The following GNAQ variants were observed in gnomAD, a reference collection of about 807,000 sequenced individuals.
GNAQ encodes the protein guanine nucleotide-binding protein G(q) subunit alpha.
A neutral mutation model predicts 43.9 loss-of-function variants in GNAQ; 8 were observed. That is an observed-to-expected ratio of 0.18 (90% CI 0.11 to 0.33). GNAQ has a LOEUF of 0.33. Ranked by LOEUF, GNAQ falls within the 10% of genes least tolerant of loss-of-function variation. The pLI is 1.00. For missense variants in GNAQ, 158 were observed against 450.8 expected, an observed-to-expected ratio of 0.35 and a Z score of 5.88; for synonymous variants, 155 against 170.7, an observed-to-expected ratio of 0.91 and a Z score of 0.71.
At chr9:77,820,911 C>T (rs1425215634) in intron 2 of GNAQ, among the ~76,000 whole-genome samples, 1 of 152,114 alleles carries the variant, frequency 6.6e-6, no homozygotes, top group African/African-American at 2.4e-5. Context: ...TTCTAAAATG[C>T]CTAGTACAAA....
intron 1 of GNAQ, among the ~76,000 whole-genome samples, chr9:78,022,107 G>T (rs999650345): frequency 2.0e-5 from 3 of 152,194 alleles, no homozygotes; most frequent in Non-Finnish European, 4.4e-5. Flanking sequence ...GCTCCCCACT[G>T]CAGGGCACTC....
intron 1 of GNAQ, among the ~76,000 whole-genome samples, chr9:78,002,756 G>A (rs544703836): frequency 3.9e-5 from 6 of 152,088 alleles, no homozygotes; most frequent in African/African-American, 9.6e-5. Flanking sequence ...AGGACTGAAT[G>A]GAAAAAAATC....
intron 6 of GNAQ, among the ~76,000 whole-genome samples, chr9:77,728,252 C>T (rs1331033185): frequency 6.6e-6 from 1 of 152,216 alleles, no homozygotes; most frequent in Non-Finnish European, 1.5e-5. Flanking sequence ...CTCGGCCTCC[C>T]AAAGTGCTGG....
chr9:77,860,190 C>G (rs552793567), intron 2 of GNAQ, among the ~76,000 whole-genome samples: 1 of 152,154 alleles, frequency 6.6e-6, no homozygotes, highest in Non-Finnish European at 1.5e-5. Context: ...CATCTGCAGG[C>G]GGCTGAGTGG....
In GNAQ at chr9:77,968,932, A is replaced by G. The variant is rs544671868; in HGVS notation, c.137-46587T>C. Among the ~76,000 whole-genome samples, 6 of 152,316 alleles carry G rather than the reference A, an allele frequency of 3.9e-5. No individual in the cohort carries two copies. In the East Asian group the frequency reaches 1.2e-3, roughly 29 times the overall value. Reference sequence around the variant, plus strand: ...GGGAAGTGATGCCACCAGCAAATGCACCCAGGTGAGGGCACCTTAATGGAC... The same window carrying G: ...GGGAAGTGATGCCACCAGCAAATGCGCCCAGGTGAGGGCACCTTAATGGAC... On this transcript the variant is annotated intron_variant, in intron 1 of 6. Coordinates refer to ENST00000286548, the MANE Select transcript of GNAQ (RefSeq NM_002072.5).
chr9:77,894,402 T>TTATATATATATTTAATAGAAAAAA (rs1564143630), intron 2 of GNAQ, among the ~76,000 whole-genome samples: 1 of 1,126 alleles, frequency 8.9e-4, no homozygotes, highest in East Asian at 0.019. Flanking sequence ...AATATATATT[T>TTATATATATATTTAATAGAAAAAA]TATATATATA....
chr9:77,743,592 A>G (rs1201601702), intron 5 of GNAQ, among the ~76,000 whole-genome samples: 1 of 152,224 alleles, frequency 6.6e-6, no homozygotes, highest in African/African-American at 2.4e-5. Flanking sequence ...TTCAGGAACA[A>G]TGTGTGTTAT....
chr9:77,864,535 A>C (rs1587372803), intron 2 of GNAQ, among the ~76,000 whole-genome samples: 1 of 152,286 alleles, frequency 6.6e-6, no homozygotes, highest in South Asian at 2.1e-4. Context: ...AGTGATGCAA[A>C]GTGAGATGGA....
chr9:77,867,017 C>T (rs1040573563), intron 2 of GNAQ, among the ~76,000 whole-genome samples: 1 of 152,198 alleles, frequency 6.6e-6, no homozygotes, highest in African/African-American at 2.4e-5. Context: ...GAAAAGAGAG[C>T]TCCTTTAGTA....
At chr9:77,790,580 C>T (rs1410654204) in intron 5 of GNAQ, among the ~76,000 whole-genome samples, 1 of 152,142 alleles carries the variant, frequency 6.6e-6, no homozygotes, top group Non-Finnish European at 1.5e-5. Flanking sequence ...CTACTACTAC[C>T]AATTGGTGTA....
intron 2 of GNAQ, among the ~76,000 whole-genome samples, chr9:77,880,555 G>GTTTTTTTTTTTTTTTTTT (rs55926441): frequency 1.4e-5 from 2 of 141,496 alleles, no homozygotes; most frequent in Non-Finnish European, 3.0e-5. Context: ...GATTTTTTCT[G>GTTTTTTTTTTTTTTTTTT]TTTTTTTTTT....
intron 1 of GNAQ, among the ~76,000 whole-genome samples, chr9:78,030,094 T>C (rs887836366): frequency 6.6e-6 from 1 of 152,200 alleles, no homozygotes; most frequent in Non-Finnish European, 1.5e-5. Flanking sequence ...GGGAAATTTT[T>C]CCTGTATGCT....
In GNAQ at chr9:77,946,085, C is replaced by T. The variant is rs17063982; in HGVS notation, c.137-23740G>A. Among the ~76,000 whole-genome samples the T allele has an allele frequency of 1.6e-3, 241 of 152,272 alleles. 4 individuals are homozygous for T. The highest frequency in any genetic ancestry group is 0.012 in the Admixed American group (179 of 15,294). On this transcript the variant is annotated intron_variant, in intron 1 of 6. Coordinates refer to ENST00000286548, the MANE Select transcript of GNAQ (RefSeq NM_002072.5). ...AACAAAATATTAGATGGGAAGTTAA[C>T]TGACGCAGAGGAGAGAGGACCAAAT...
chr9:77,858,987 C>T (rs934943438), intron 2 of GNAQ, among the ~76,000 whole-genome samples: 3 of 152,148 alleles, frequency 2.0e-5, no homozygotes, highest in African/African-American at 7.2e-5. Flanking sequence ...CCCCATCACA[C>T]TAGCTATAAA....
intron 5 of GNAQ, among the ~76,000 whole-genome samples, chr9:77,791,501 A>G (rs2118433928): frequency 6.6e-6 from 1 of 152,264 alleles, no homozygotes; most frequent in African/African-American, 2.4e-5. Flanking sequence ...CAGTAAAGGG[A>G]ATACGCAAAT....
At chr9:77,797,754 G>GA in intron 3 of GNAQ, 106 bp from the exon 4 acceptor site, 1 of 971,172 alleles carries the variant, frequency 1.0e-6, no homozygotes, top group East Asian at 2.5e-5. Flanking sequence ...GTAAAGAAGA[G>GA]AAAGAAAAAT....
chr9:78,023,371 G>A (rs12337109), intron 1 of GNAQ, among the ~76,000 whole-genome samples: 1,808 of 152,208 alleles, frequency 0.012, 46 homozygotes, highest in African/African-American at 0.042. Flanking sequence ...TCTCTAAATC[G>A]TATGCAAATG....
intron 2 of GNAQ, among the ~76,000 whole-genome samples, chr9:77,879,961 A>G (rs1216080255): frequency 2.0e-5 from 3 of 152,228 alleles, no homozygotes; most frequent in African/African-American, 4.8e-5. Flanking sequence ...TTCCTTCAAG[A>G]AAATTACAAA....
intron 2 of GNAQ, among the ~76,000 whole-genome samples, chr9:77,901,165 T>C (rs1413424050): frequency 3.9e-5 from 6 of 152,166 alleles, no homozygotes; most frequent in Admixed American, 2.0e-4. Flanking sequence ...TAGTACCCGA[T>C]AGTAGTACCA....
Sources: allele counts gnomAD v4.1 joint callset (sites outside exome capture counted in the v4.1 genomes callset), GRCh38; gene constraint gnomAD v4.1.1; transcripts MANE v1.5; gene names NCBI Gene and HGNC (gene_info 2026-07-23, HGNC 2026-07-21).